NDUFA9: variants seen among roughly 807,000 people sequenced by gnomAD.
NDUFA9 encodes the protein NADH:ubiquinone oxidoreductase subunit A9, also known as NADH dehydrogenase [ubiquinone] 1 alpha subcomplex subunit 9, mitochondrial.
A neutral mutation model predicts 45.9 loss-of-function variants in NDUFA9; 23 were observed. The ratio of observed to expected loss-of-function variants is 0.50; its 90% CI spans 0.36 to 0.71. The LOEUF (loss-of-function observed/expected upper bound fraction) is 0.71, where lower values mean the gene tolerates loss of function less well. Ranked by LOEUF, NDUFA9 falls within the 30% of genes least tolerant of loss-of-function variation. The pLI is 0.00. For missense variants in NDUFA9, 466 were observed against 488.2 expected (o/e 0.95, Z 0.43); for synonymous variants, 176 against 170.5 (o/e 1.03, Z -0.25).
chr12:4,664,323 G>C lies in NDUFA9; in HGVS notation c.655+1688G>C, dbSNP rs115855026. Among the ~76,000 whole-genome samples, 665 of 152,320 alleles carry C rather than the reference G, an allele frequency of 4.4e-3. 9 individuals carry two copies. The highest frequency in any genetic ancestry group is 0.015 in the African/African-American group (640 of 41,574). ...CAGGAATAGAGATGAGATTACATCA[G>C]CAAAGTCACCACCAGTTTGAACTAG... On this transcript the variant is annotated intron_variant, in intron 6 of 10. Coordinates refer to ENST00000266544, the MANE Select transcript of NDUFA9 (RefSeq NM_005002.5).
At chr12:4,675,317 A>G (rs2137480142) in intron 8 of NDUFA9, among the ~76,000 whole-genome samples, 1 of 152,356 alleles carries the variant, frequency 6.6e-6, no homozygotes, top group East Asian at 1.9e-4. Context: ...AGCTAAGATC[A>G]GAGCAGAACC....
intron 9 of NDUFA9, among the ~76,000 whole-genome samples, chr12:4,684,244 C>T (rs755474094): frequency 6.6e-6 from 1 of 152,174 alleles, no homozygotes; most frequent in Non-Finnish European, 1.5e-5. Context: ...AGCCAGCTTC[C>T]TTTTTCATTT....
In NDUFA9 at chr12:4,673,006, C is replaced by T. The variant is rs185850677; in HGVS notation, c.800+3189C>T. On this transcript the variant is annotated intron_variant, in intron 8 of 10. Transcript: ENST00000266544. ...ATCTGGTTGGCATCTGGCAGGTGCC[C>T]CTCTGGGACGAAGCTTCCAGAGGAA... Among the ~76,000 whole-genome samples, 352 of 152,296 alleles carry T rather than the reference C, an allele frequency of 2.3e-3. 1 individual carries two copies. The highest frequency in any genetic ancestry group is 8.2e-3 in the African/African-American group (341 of 41,556).
At chr12:4,672,797 G>A (rs925020919) in intron 8 of NDUFA9, among the ~76,000 whole-genome samples, 1 of 152,234 alleles carries the variant, frequency 6.6e-6, no homozygotes, top group Non-Finnish European at 1.5e-5. Flanking sequence ...GCAGTTGGGG[G>A]TGCAGCTTCA....
chr12:4,653,033 T>C (rs1465820865), intron 1 of NDUFA9, among the ~76,000 whole-genome samples: 3 of 152,276 alleles, frequency 2.0e-5, no homozygotes, highest in Non-Finnish European at 4.4e-5. Flanking sequence ...GCACGAATGC[T>C]AAGCTCCGAA....
chr12:4,692,660 T>A lies in NDUFA9; in HGVS notation c.*5552T>A, dbSNP rs1324013260. On this transcript the variant is annotated 3_prime_UTR_variant, in exon 11 of 11. Transcript: ENST00000266544. ...ACCCTAATGCGAGCAGATGATGATGTTGTTGGCAGAGAGGGAGGGTATAAC... is the reference window on the plus strand; with the variant it reads ...ACCCTAATGCGAGCAGATGATGATGATGTTGGCAGAGAGGGAGGGTATAAC... The A allele has an allele frequency of 6.6e-6, 1 of 152,124 alleles. No homozygotes were observed. The highest frequency in any genetic ancestry group is 1.5e-5 in the Non-Finnish European group (1 of 68,048). 9.4% of individuals were successfully genotyped at this position (152,124 alleles called of 1,614,324 possible).
rs576428882 is a variant in NDUFA9 at position 4,665,373 on chromosome 12, T to C, written c.655+2738T>C. Among the ~76,000 whole-genome samples the C allele has an allele frequency of 3.3e-5, 5 of 152,356 alleles. No individual in the cohort carries two copies. In the East Asian group the frequency reaches 9.6e-4, roughly 29 times the overall value. On this transcript the variant is annotated intron_variant, in intron 6 of 10. Transcript: ENST00000266544. The stretch of plus-strand genomic sequence containing the variant: ...AGCTGGCTTATTTGACTTAGCATAA[T>C]ATGCTCAAGGTGCATTCCTGTTGTA...
chr12:4,667,036 A>ATTTTTTTTTTTTTTTTTTTTT (rs1314025429), intron 6 of NDUFA9, among the ~76,000 whole-genome samples: 1 of 152,178 alleles, frequency 6.6e-6, no homozygotes, highest in African/African-American at 2.4e-5. Context: ...AAGAAGAGAA[A>ATTTTTTTTTTTTTTTTTTTTT]TTTATTTCCA....
chr12:4,659,604 A>G (rs1239474421), intron 5 of NDUFA9, among the ~76,000 whole-genome samples: 1 of 152,152 alleles, frequency 6.6e-6, no homozygotes, highest in Non-Finnish European at 1.5e-5. Context: ...AATGACAGGG[A>G]TTAATATTTG....
At chr12:4,656,342 G>A (rs1945790730) in intron 3 of NDUFA9, among the ~76,000 whole-genome samples, 1 of 152,118 alleles carries the variant, frequency 6.6e-6, no homozygotes, top group Admixed American at 6.5e-5. Context: ...CCTTGTCAGA[G>A]CCTCAAAATT....
chr12:4,650,241 CT>C (rs997383849), intron 1 of NDUFA9, among the ~76,000 whole-genome samples: 16 of 148,638 alleles, frequency 1.1e-4, no homozygotes, highest in South Asian at 2.1e-4. Flanking sequence ...TTAGAGGATC[CT>C]TTTTTTTTTG....
chr12:4,663,033 G>C (rs910005100), intron 6 of NDUFA9, among the ~76,000 whole-genome samples: 1 of 152,128 alleles, frequency 6.6e-6, no homozygotes, highest in Non-Finnish European at 1.5e-5. Context: ...TGTCTCTATA[G>C]TTTTGCCTTT....
chr12:4,694,089 T>A lies in NDUFA9; in HGVS notation c.*6981T>A, dbSNP rs185110695. 2.0e-5 allele frequency: 3 copies of A among 152,374 alleles called. No individual in the cohort carries two copies. The highest frequency in any genetic ancestry group is 2.0e-4 in the Admixed American group (3 of 15,306). The allele number at this position is 152,374 out of a possible 1,614,324, so 9.4% of individuals were successfully genotyped here. A position where few individuals can be genotyped will look rare whatever the true frequency, so the allele number is the denominator to read the frequency against. On this transcript the variant is annotated 3_prime_UTR_variant, in exon 11 of 11. Transcript: ENST00000266544. ...CTTCCTGGCTGTTTGATTTTGATTC[T>A]ATGGGAGCTATCTTGCAACTCTGTA...
chr12:4,668,798 A>G, intron 7 of NDUFA9: 1 of 398,360 alleles, frequency 2.5e-6, no homozygotes, highest in Non-Finnish European at 4.6e-6. Context: ...GATAGACACA[A>G]ATTGCTGTTC....
chr12:4,651,789 T>C (rs1477796358), intron 1 of NDUFA9, among the ~76,000 whole-genome samples: 1 of 152,064 alleles, frequency 6.6e-6, no homozygotes, highest in African/African-American at 2.4e-5. Flanking sequence ...CATCCTCAAC[T>C]CCCCAGCCCA....
intron 8 of NDUFA9, among the ~76,000 whole-genome samples, chr12:4,675,422 TAAA>T (rs552740410): frequency 2.2e-3 from 330 of 150,672 alleles, no homozygotes; most frequent in African/African-American, 7.2e-3. Context: ...GCCAGACTAA[TAAA>T]GAAGAAAAGA....
chr12:4,666,943 G>C (rs1398595202), intron 6 of NDUFA9, among the ~76,000 whole-genome samples: 1 of 152,164 alleles, frequency 6.6e-6, no homozygotes, highest in Non-Finnish European at 1.5e-5. Context: ...GATAGGGATT[G>C]CATTAAATCT....
rs1185495252 is a variant in NDUFA9 at position 4,654,477 on chromosome 12, T to G, written c.220+15T>G. 2 of 1,613,390 alleles carry G rather than the reference T, an allele frequency of 1.2e-6. No individual in the cohort carries two copies. The highest frequency in any genetic ancestry group is 2.2e-5 in the South Asian group (2 of 91,030). Reference sequence around the variant, plus strand: ...CAACCACCTTGGTAAGTAAAGTTCCTTAAGTTCATATGCTCCATTGCCATT... The same window carrying G: ...CAACCACCTTGGTAAGTAAAGTTCCGTAAGTTCATATGCTCCATTGCCATT... On this transcript the variant is annotated intron_variant, in intron 2 of 10. Coordinates refer to ENST00000266544, the MANE Select transcript of NDUFA9 (RefSeq NM_005002.5).
At chr12:4,668,909 G>C (rs1945869724) in intron 7 of NDUFA9, among the ~76,000 whole-genome samples, 1 of 152,194 alleles carries the variant, frequency 6.6e-6, no homozygotes, top group Non-Finnish European at 1.5e-5. Context: ...CATCAGAAGG[G>C]CACCTAATCT....
Sources: allele counts gnomAD v4.1 joint callset (sites outside exome capture counted in the v4.1 genomes callset), GRCh38; gene constraint gnomAD v4.1.1; transcripts MANE v1.5; gene names NCBI Gene and HGNC (gene_info 2026-07-23, HGNC 2026-07-21).